LRRTM4: variants seen among roughly 807,000 people sequenced by gnomAD.
LRRTM4 encodes leucine rich repeat transmembrane neuronal 4, also known as leucine-rich repeat transmembrane neuronal protein 4.
A neutral mutation model predicts 47.6 loss-of-function variants in LRRTM4; 25 were observed. The ratio of observed to expected loss-of-function variants is 0.53; its 90% CI spans 0.38 to 0.73. The LOEUF (loss-of-function observed/expected upper bound fraction) is 0.73, where lower values mean the gene tolerates loss of function less well. LRRTM4 is among the 30% of genes least tolerant of loss of function. The pLI, the probability that LRRTM4 is intolerant of heterozygous loss-of-function variation, is 0.00. For missense variants in LRRTM4, 638 were observed against 713.4 expected (o/e 0.89, Z 1.20); for synonymous variants, 311 against 269.5 (o/e 1.15, Z -1.51).
chr2:77,285,342 A>ATATATATATATAAATT lies in LRRTM4; in HGVS notation c.1551+232975_1551+232976insAATTTATATATATATA, dbSNP rs1362028477. 3.0e-4 allele frequency among the ~76,000 whole-genome samples: 39 copies of ATATATATATATAAATT among 130,798 alleles called. No individual in the cohort carries two copies. The South Asian group carries it at 8.9e-3, about 30-fold the overall frequency. 85.8% of individuals were successfully genotyped at this position (130,798 alleles called of 152,430 possible). A position where few individuals can be genotyped will look rare whatever the true frequency, so the allele number is the denominator to read the frequency against. On this transcript the variant is annotated intron_variant, in intron 3 of 3. Transcript: ENST00000409884. ...ATTAATTCTACTCAGCATTAAATTT[A>ATATATATATATAAATT]TATATATATATATATATATATGGCC...
chr2:77,174,879 T>C (rs1480782375), intron 3 of LRRTM4, among the ~76,000 whole-genome samples: 2 of 151,870 alleles, frequency 1.3e-5, no homozygotes, highest in Admixed American at 1.3e-4. Flanking sequence ...TCTCACCTTT[T>C]AGGAGAGGCC....
chr2:77,297,144 T>A (rs1676996874), intron 3 of LRRTM4, among the ~76,000 whole-genome samples: 1 of 152,152 alleles, frequency 6.6e-6, no homozygotes, highest in Admixed American at 6.6e-5. Context: ...GTGGTAATGG[T>A]TGTTTTTGTT....
intron 3 of LRRTM4, among the ~76,000 whole-genome samples, chr2:76,908,661 C>T (rs920675894): frequency 1.3e-5 from 2 of 152,170 alleles, no homozygotes; most frequent in Admixed American, 6.5e-5. Context: ...GACACAAAAT[C>T]TCTGTACAAA....
At chr2:77,166,444 G>T (rs1467143438) in intron 3 of LRRTM4, among the ~76,000 whole-genome samples, 1 of 152,136 alleles carries the variant, frequency 6.6e-6, no homozygotes. Context: ...TCACAGAGTT[G>T]GAAAAAACTA....
At chr2:77,513,148 CAT>C (rs1679083083) in intron 3 of LRRTM4, among the ~76,000 whole-genome samples, 3 of 152,170 alleles carry the variant, frequency 2.0e-5, no homozygotes, top group Non-Finnish European at 2.9e-5. Flanking sequence ...AGTGTGCACT[CAT>C]GTGCTCACAC....
rs185174688 is a variant in LRRTM4, at chr2:77,284,183, C to T, written c.1551+234135G>A. 7.5e-3 allele frequency among the ~76,000 whole-genome samples: 1,134 copies of T among 152,062 alleles called. 9 individuals carry two copies. Among genetic ancestry groups the T allele is most frequent in the Non-Finnish European group, 0.012 (787 of 67,952 alleles). On this transcript the variant is annotated intron_variant, in intron 3 of 3. Transcript: ENST00000409884. ...TAATAGATAATAGTTACATATATCC[C>T]AAATATTTCCTTGGGATGTGTTTCT...
chr2:77,011,898 G>A (rs1677889677), intron 3 of LRRTM4, among the ~76,000 whole-genome samples: 1 of 151,962 alleles, frequency 6.6e-6, no homozygotes, highest in South Asian at 2.1e-4. Context: ...TCACGTGGTT[G>A]AGACCTCAGA....
At chr2:77,511,160 T>A (rs928347285) in intron 3 of LRRTM4, among the ~76,000 whole-genome samples, 4 of 152,010 alleles carry the variant, frequency 2.6e-5, no homozygotes, top group African/African-American at 7.2e-5. Flanking sequence ...GAGAGGAAAT[T>A]AAAAAAATTA....
At chr2:77,181,476 G>T (rs1673345140) in intron 3 of LRRTM4, among the ~76,000 whole-genome samples, 1 of 152,086 alleles carries the variant, frequency 6.6e-6, no homozygotes, top group Admixed American at 6.6e-5. Flanking sequence ...TGATTCAAAG[G>T]AAGGACACTG....
In LRRTM4 at chr2:77,332,001, T is replaced by G. The variant is rs575813325; in HGVS notation, c.1551+186317A>C. On this transcript the variant is annotated intron_variant, in intron 3 of 3. Coordinates refer to ENST00000409884, the MANE Select transcript of LRRTM4 (RefSeq NM_001134745.3). ...GTATAATTTAATTAATTAAGATCAATTTTTTATCAAGGCAAAGTGACAGAT... is the reference window on the plus strand; with the variant it reads ...GTATAATTTAATTAATTAAGATCAAGTTTTTATCAAGGCAAAGTGACAGAT... Among the ~76,000 whole-genome samples the G allele has an allele frequency of 3.4e-3, 516 of 152,246 alleles. 3 individuals are homozygous for G. Among genetic ancestry groups the G allele is most frequent in the African/African-American group, 0.012 (492 of 41,546 alleles).
chr2:76,770,791 CATAAA>C (rs1244854507), intron 3 of LRRTM4, among the ~76,000 whole-genome samples: 1 of 152,154 alleles, frequency 6.6e-6, no homozygotes, highest in Non-Finnish European at 1.5e-5. Flanking sequence ...TCTGACATAA[CATAAA>C]ATATGTCTCC....
chr2:76,861,819 G>C (rs1385129422), intron 3 of LRRTM4, among the ~76,000 whole-genome samples: 6 of 152,122 alleles, frequency 3.9e-5, no homozygotes, highest in Non-Finnish European at 8.8e-5. Context: ...TGACATAAAG[G>C]AATGTCTGCT....
intron 3 of LRRTM4, among the ~76,000 whole-genome samples, chr2:77,297,888 CAA>C (rs1677016501): frequency 1.3e-5 from 2 of 152,190 alleles, no homozygotes; most frequent in South Asian, 4.1e-4. Flanking sequence ...ATCACATGGT[CAA>C]AGACTTATTC....
intron 3 of LRRTM4, among the ~76,000 whole-genome samples, chr2:76,944,081 T>C (rs552683539): frequency 6.6e-6 from 1 of 152,322 alleles, no homozygotes; most frequent in South Asian, 2.1e-4. Context: ...GATATTAATG[T>C]GACCTGTGAT....
intron 3 of LRRTM4, among the ~76,000 whole-genome samples, chr2:76,756,623 G>C (rs934567930): frequency 3.3e-5 from 5 of 152,034 alleles, no homozygotes; most frequent in African/African-American, 1.2e-4. Context: ...GCCTTCACCT[G>C]TAGCAGTTTT....
chr2:76,798,763 G>A (rs1456308332), intron 3 of LRRTM4, among the ~76,000 whole-genome samples: 2 of 150,616 alleles, frequency 1.3e-5, no homozygotes, highest in African/African-American at 4.9e-5. Flanking sequence ...AAATGATAAA[G>A]GGGATATCAC....
chr2:77,066,134 G>A (rs1031617503), intron 3 of LRRTM4, among the ~76,000 whole-genome samples: 1 of 152,150 alleles, frequency 6.6e-6, no homozygotes, highest in African/African-American at 2.4e-5. Flanking sequence ...GTATGAAGCA[G>A]AATAGCATAC....
chr2:77,441,371 T>C (rs568785768), intron 3 of LRRTM4, among the ~76,000 whole-genome samples: 2 of 152,348 alleles, frequency 1.3e-5, no homozygotes, highest in African/African-American at 4.8e-5. Context: ...ATTTATCGGA[T>C]GCTTACTGTT....
intron 3 of LRRTM4, among the ~76,000 whole-genome samples, chr2:76,867,416 A>G (rs1672498460): frequency 6.6e-6 from 1 of 152,194 alleles, no homozygotes; most frequent in African/African-American, 2.4e-5. Flanking sequence ...AAGATTTAAA[A>G]TAAAATACCT....
Sources: allele counts gnomAD v4.1 joint callset (sites outside exome capture counted in the v4.1 genomes callset), GRCh38; gene constraint gnomAD v4.1.1; transcripts MANE v1.5; gene names NCBI Gene and HGNC (gene_info 2026-07-23, HGNC 2026-07-21).